CDH2: variants seen among roughly 807,000 people sequenced by gnomAD.
CDH2 encodes cadherin-2.
Under a neutral mutation model 92.0 loss-of-function variants are expected in CDH2, and 17 were observed. The ratio of observed to expected loss-of-function variants is 0.18; its 90% CI spans 0.13 to 0.28. The LOEUF (loss-of-function observed/expected upper bound fraction) is 0.28, where lower values mean the gene tolerates loss of function less well. CDH2 is among the 10% of genes least tolerant of loss of function. The pLI is 1.00. For synonymous variants in CDH2, 419 were observed against 415.9 expected (o/e 1.01, Z -0.09); for missense variants, 862 against 1,133.1 (o/e 0.76, Z 3.44).
intron 1 of CDH2, among the ~76,000 whole-genome samples, chr18:28,154,050 C>G (rs958135166): frequency 2.0e-5 from 3 of 152,144 alleles, no homozygotes; most frequent in East Asian, 1.9e-4. Flanking sequence ...GGCCACACAT[C>G]CAGCCCTTAT....
At chr18:28,049,782 A>C (rs1421578097) in intron 2 of CDH2, among the ~76,000 whole-genome samples, 1 of 152,144 alleles carries the variant, frequency 6.6e-6, no homozygotes, top group African/African-American at 2.4e-5. Context: ...GTATGCAACT[A>C]ATAATTATTA....
At chr18:28,000,098 T>C (rs904894223) in intron 7 of CDH2, among the ~76,000 whole-genome samples, 3 of 152,138 alleles carry the variant, frequency 2.0e-5, no homozygotes, top group Non-Finnish European at 4.4e-5. Flanking sequence ...GGTATTTCTT[T>C]ATAGCAGTGT....
At chr18:28,059,801 C>A (rs1436158556) in intron 2 of CDH2, among the ~76,000 whole-genome samples, 1 of 152,206 alleles carries the variant, frequency 6.6e-6, no homozygotes, top group Non-Finnish European at 1.5e-5. Context: ...CACACACATA[C>A]ACATTTGTTT....
intron 2 of CDH2, among the ~76,000 whole-genome samples, chr18:28,032,167 G>C (rs897045257): frequency 6.6e-6 from 1 of 152,060 alleles, no homozygotes; most frequent in Non-Finnish European, 1.5e-5. Context: ...CTCAAACAGC[G>C]CTGGAATTTC....
intron 2 of CDH2, among the ~76,000 whole-genome samples, chr18:28,147,174 A>G (rs971847075): frequency 3.3e-5 from 5 of 152,116 alleles, no homozygotes; most frequent in South Asian, 2.1e-4. Context: ...CATAACAAAA[A>G]TATGAATTTC....
chr18:28,125,410 G>T (rs1405189070), intron 2 of CDH2, among the ~76,000 whole-genome samples: 2 of 151,892 alleles, frequency 1.3e-5, no homozygotes, highest in African/African-American at 4.8e-5. Context: ...AGATGGAATG[G>T]AGTAAAAAAA....
chr18:27,964,389 T>A (rs1388657736), intron 14 of CDH2, among the ~76,000 whole-genome samples: 2 of 152,206 alleles, frequency 1.3e-5, no homozygotes, highest in Non-Finnish European at 2.9e-5. Context: ...AATGTGGAAA[T>A]AATCCACATT....
chr18:27,989,953 A>T (rs1184072377), intron 10 of CDH2, 144 bp downstream of exon 10: 1 of 666,220 alleles, frequency 1.5e-6, no homozygotes, highest in Non-Finnish European at 2.5e-6. Flanking sequence ...TACTGAGAAG[A>T]AAATTCAAAG....
intron 2 of CDH2, among the ~76,000 whole-genome samples, chr18:28,024,070 TAC>T (rs2013484505): frequency 9.5e-6 from 1 of 105,708 alleles, no homozygotes; most frequent in Admixed American, 1.2e-4. Context: ...GAAGGATTCT[TAC>T]TTTTTGTGTA....
chr18:28,157,499 C>T (rs1282092522), intron 1 of CDH2, among the ~76,000 whole-genome samples: 3 of 152,112 alleles, frequency 2.0e-5, no homozygotes, highest in Non-Finnish European at 4.4e-5. Flanking sequence ...GAAAACTGCC[C>T]TAAGTCATCT....
chr18:28,082,545 G>C (rs1757012624), intron 2 of CDH2, among the ~76,000 whole-genome samples: 1 of 151,992 alleles, frequency 6.6e-6, no homozygotes, highest in African/African-American at 2.4e-5. Context: ...ATTTTAATAG[G>C]TACCCCCCAT....
At chr18:27,936,498 G>A (rs1909022579) in intron 6 of CDH2, among the ~76,000 whole-genome samples, 2 of 152,094 alleles carry the variant, frequency 1.3e-5, no homozygotes, top group South Asian at 2.1e-4. Context: ...CATAGCTGAT[G>A]TATTTTTCTT....
intron 14 of CDH2, among the ~76,000 whole-genome samples, chr18:27,965,172 T>C: frequency 6.6e-6 from 1 of 152,334 alleles, no homozygotes; most frequent in Admixed American, 6.5e-5. Context: ...ATCAAAACCA[T>C]GAGTGTCTGA....
At chr18:28,104,206 G>C (rs142800817) in intron 2 of CDH2, among the ~76,000 whole-genome samples, 1 of 151,844 alleles carries the variant, frequency 6.6e-6, no homozygotes, top group Non-Finnish European at 1.5e-5. Context: ...ATTTCTTTAG[G>C]TTCTCTAACA....
intron 2 of CDH2, among the ~76,000 whole-genome samples, chr18:28,074,431 G>C (rs1567988000): frequency 6.6e-6 from 1 of 152,046 alleles, no homozygotes; most frequent in African/African-American, 2.4e-5. Context: ...ATTTTTAGTA[G>C]AGATGGGTTT....
At chr18:28,130,463 T>C (rs995385492) in intron 2 of CDH2, among the ~76,000 whole-genome samples, 1 of 152,252 alleles carries the variant, frequency 6.6e-6, no homozygotes, top group South Asian at 2.1e-4. Flanking sequence ...AGTATCGTGA[T>C]GTAAAATGTA....
chr18:27,994,618 T>A (rs149400050), intron 7 of CDH2, among the ~76,000 whole-genome samples: 1 of 152,340 alleles, frequency 6.6e-6, no homozygotes, highest in East Asian at 1.9e-4. Context: ...TAAAACATTC[T>A]GAACAACAAA....
At chr18:27,988,773 G>T (rs1260213831) in intron 10 of CDH2, 107 bp from the exon 11 acceptor site, 4 of 768,532 alleles carry the variant, frequency 5.2e-6, no homozygotes, top group Non-Finnish European at 6.5e-6. Flanking sequence ...CATTTCTGTA[G>T]ATGATGGCTG....
In CDH2 at chr18:28,155,657, C is replaced by A. The variant is rs142282030; in HGVS notation, c.61-7873G>T. Among the ~76,000 whole-genome samples, 5 of 152,018 alleles carry A rather than the reference C, an allele frequency of 3.3e-5. No individual in the cohort carries two copies. The East Asian group carries it at 9.7e-4, about 29-fold the overall frequency. ...GGTTATGTCTTCCAAACGACATAAG[C>A]GAACATAAACAGTTAATGAAGACAC... On this transcript the variant is annotated intron_variant, in intron 1 of 15. Coordinates refer to ENST00000269141, the MANE Select transcript of CDH2 (RefSeq NM_001792.5).
Sources: allele counts gnomAD v4.1 joint callset (sites outside exome capture counted in the v4.1 genomes callset), GRCh38; gene constraint gnomAD v4.1.1; transcripts MANE v1.5; gene names NCBI Gene and HGNC (gene_info 2026-07-23, HGNC 2026-07-21).